The following TECRL variants were observed in gnomAD, a reference collection of about 807,000 sequenced individuals.
TECRL encodes the protein trans-2,3-enoyl-CoA reductase like.
Under a neutral mutation model 52.8 loss-of-function variants are expected in TECRL, and 63 were observed. The ratio of observed to expected loss-of-function variants is 1.19; its 90% CI spans 0.97 to 1.47. TECRL has a LOEUF of 1.47. TECRL is among the 40% of genes most tolerant of loss of function. TECRL has a pLI of 0.00. For synonymous variants in TECRL, 164 were observed against 141.9 expected (o/e 1.16, Z -1.10); for missense variants, 482 against 429.6 (o/e 1.12, Z -1.08).
intron 8 of TECRL, among the ~76,000 whole-genome samples, chr4:64,296,189 C>T (rs1006015432): frequency 6.6e-6 from 1 of 151,738 alleles, no homozygotes; most frequent in Non-Finnish European, 1.5e-5. Flanking sequence ...TCCATAAATG[C>T]CAAATTTCAT....
At chr4:64,305,320 G>T in intron 6 of TECRL, 82 bp from the exon 7 acceptor site, 2 of 1,236,406 alleles carry the variant, frequency 1.6e-6, no homozygotes, top group Non-Finnish European at 2.3e-6. Context: ...TATATTACAT[G>T]CATGTCACAA....
intron 4 of TECRL, among the ~76,000 whole-genome samples, chr4:64,318,143 CACAT>C (rs937482688): frequency 3.9e-5 from 6 of 152,094 alleles, no homozygotes; most frequent in Non-Finnish European, 8.8e-5. Flanking sequence ...TAAAATTTTT[CACAT>C]ACATTTTCTG....
chr4:64,399,607 T>C (rs1207449903), intron 1 of TECRL, among the ~76,000 whole-genome samples: 1 of 152,184 alleles, frequency 6.6e-6, no homozygotes, highest in Non-Finnish European at 1.5e-5. Context: ...TGAGCCCTGC[T>C]GCCTTGCCTA....
Position 64,305,247 on chromosome 4 carries a change from A to C in TECRL, c.658-9T>G. 1 of 1,607,684 alleles carries C rather than the reference A, an allele frequency of 6.2e-7. No individual in the cohort carries two copies. The highest frequency in any genetic ancestry group is 8.5e-7 in the Non-Finnish European group (1 of 1,176,440). Reference sequence around the variant, plus strand: ...CAGTAAAAGGCACAACTCTGCAAACAAAACAAAACAAAATAAAAGTTAGGA... The same window carrying C: ...CAGTAAAAGGCACAACTCTGCAAACCAAACAAAACAAAATAAAAGTTAGGA... On this transcript the variant is annotated splice_polypyrimidine_tract_variant and intron_variant, in intron 6 of 11. Transcript: ENST00000381210.
intron 2 of TECRL, among the ~76,000 whole-genome samples, chr4:64,350,252 T>A (rs1720289524): frequency 6.6e-6 from 1 of 152,208 alleles, no homozygotes; most frequent in South Asian, 2.1e-4. Flanking sequence ...ATTGCCAAAA[T>A]AGTAGCATTT....
intron 2 of TECRL, among the ~76,000 whole-genome samples, chr4:64,363,017 A>C (rs1278273485): frequency 6.6e-6 from 1 of 152,106 alleles, no homozygotes; most frequent in Admixed American, 6.6e-5. Context: ...GGCACATAAA[A>C]AAAAAAAAAG....
At chr4:64,367,082 C>T (rs1179310182) in intron 2 of TECRL, among the ~76,000 whole-genome samples, 1 of 152,072 alleles carries the variant, frequency 6.6e-6, no homozygotes, top group Admixed American at 6.6e-5. Flanking sequence ...ATGTCCTTTG[C>T]ATCAACATGG....
At chr4:64,326,151 A>G (rs1041359499) in intron 3 of TECRL, among the ~76,000 whole-genome samples, 1 of 152,070 alleles carries the variant, frequency 6.6e-6, no homozygotes, top group African/African-American at 2.4e-5. Context: ...CAACAAACCT[A>G]GTGGTTTGTC....
chr4:64,394,907 ATTT>A (rs751448355), intron 1 of TECRL, among the ~76,000 whole-genome samples: 364 of 105,086 alleles, frequency 3.5e-3, no homozygotes, highest in African/African-American at 0.014. Context: ...ATTAACAAGC[ATTT>A]TTTTTTTTTT....
intron 2 of TECRL, among the ~76,000 whole-genome samples, chr4:64,337,284 A>C (rs1719169659): frequency 6.6e-6 from 1 of 152,162 alleles, no homozygotes. Flanking sequence ...TCTCAAAATA[A>C]TAAGAGCTAT....
intron 3 of TECRL, among the ~76,000 whole-genome samples, chr4:64,327,362 G>A (rs1718334163): frequency 1.3e-5 from 2 of 152,048 alleles, no homozygotes; most frequent in Admixed American, 1.3e-4. Context: ...AAATTTATCA[G>A]TCTCTTAATA....
intron 1 of TECRL, among the ~76,000 whole-genome samples, chr4:64,403,649 T>C (rs752984022): frequency 1.1e-4 from 17 of 152,028 alleles, no homozygotes; most frequent in East Asian, 1.9e-4. Flanking sequence ...TACCAGACCA[T>C]GCCTAAGGAA....
At chr4:64,308,845 A>G (rs1198696547) in intron 6 of TECRL, among the ~76,000 whole-genome samples, 1 of 152,234 alleles carries the variant, frequency 6.6e-6, no homozygotes, top group Non-Finnish European at 1.5e-5. Flanking sequence ...AGTTAACAGA[A>G]TATTTTAGAA....
intron 1 of TECRL, among the ~76,000 whole-genome samples, chr4:64,378,649 T>C (rs1026104007): frequency 6.6e-6 from 1 of 152,110 alleles, no homozygotes; most frequent in Admixed American, 6.6e-5. Flanking sequence ...AGATAATCTA[T>C]AGAAAATAAT....
At chr4:64,338,051 C>T (rs1185540241) in intron 2 of TECRL, among the ~76,000 whole-genome samples, 1 of 152,098 alleles carries the variant, frequency 6.6e-6, no homozygotes, top group East Asian at 1.9e-4. Flanking sequence ...GCTACAATAA[C>T]CAAAACAGCA....
intron 9 of TECRL, 106 bp downstream of exon 9, chr4:64,289,604 T>TGTG: frequency 1.1e-6 from 1 of 894,930 alleles, no homozygotes. Context: ...CACATGTATT[T>TGTG]CCAACTATTG....
At chr4:64,345,033 C>A (rs865925773) in intron 2 of TECRL, among the ~76,000 whole-genome samples, 13 of 152,026 alleles carry the variant, frequency 8.6e-5, no homozygotes, top group Admixed American at 4.6e-4. Flanking sequence ...GTTAGAATGG[C>A]GATCATTAAA....
intron 2 of TECRL, among the ~76,000 whole-genome samples, chr4:64,371,061 C>T (rs1024007208): frequency 6.6e-6 from 1 of 151,320 alleles, no homozygotes; most frequent in African/African-American, 2.4e-5. Flanking sequence ...TGGTGTTTAC[C>T]CACATTGAAT....
chr4:64,342,541 G>T (rs534086998), intron 2 of TECRL, among the ~76,000 whole-genome samples: 1 of 151,804 alleles, frequency 6.6e-6, no homozygotes, highest in Non-Finnish European at 1.5e-5. Flanking sequence ...CTGAAGAGAA[G>T]GTGATTACTG....
Sources: gnomAD v4.1 joint callset for allele counts (sites outside exome capture counted in the v4.1 genomes callset) on GRCh38, gnomAD v4.1.1 for gene constraint, MANE v1.5 for transcripts, NCBI Gene and HGNC (gene_info 2026-07-23, HGNC 2026-07-21) for gene names.